Variants in PPP2R3C observed in about 807,000 individuals in gnomAD.
PPP2R3C encodes serine/threonine-protein phosphatase 2A regulatory subunit B'' subunit gamma.
PPP2R3C carries 47 observed loss-of-function variants against 63.7 expected under a neutral mutation model. The ratio of observed to expected loss-of-function variants is 0.74; its 90% CI spans 0.58 to 0.94. The LOEUF is 0.94. PPP2R3C is among the 40% of genes least tolerant of loss of function. PPP2R3C has a pLI of 0.00. For synonymous variants in PPP2R3C, 180 were observed against 177.4 expected (o/e 1.01, Z -0.12); for missense variants, 421 against 518.4 (o/e 0.81, Z 1.82).
At chr14:35,095,799 C>T (rs140692587) in intron 9 of PPP2R3C, among the ~76,000 whole-genome samples, 23 of 137,528 alleles carry the variant, frequency 1.7e-4, no homozygotes, top group South Asian at 9.1e-4. Context: ...TGCAGTGAGC[C>T]GAGATCATGC....
In PPP2R3C at chr14:35,116,690, T is replaced by A; in HGVS notation, c.106A>T (p.Thr36Ser). The A allele has an allele frequency of 6.3e-7, 1 of 1,596,982 alleles. No individual in the cohort carries two copies. The highest frequency in any genetic ancestry group is 8.6e-7 in the Non-Finnish European group (1 of 1,168,698). The change falls in exon 2 of 13, where the codon ACA becomes TCA. Residue 36 changes from threonine (T) to serine (S), a missense_variant. Physicochemically the swap from Thr to Ser is moderately conservative, Grantham distance 58. Around this residue, in one of 3 missense-constraint regions of PPP2R3C, gnomAD observed 143 missense variants for 151.2 expected, o/e 0.95. Transcript: ENST00000261475. ...ELKDEEMDLF[T>S]KYYSEWKGGR... ...CCTTTCCATTCGGAGTAATATTTTG[T>A]AAATAAATCCATTTCTTCATCTTTT...
chr14:35,119,246 C>A (rs1156997833), intron 1 of PPP2R3C, among the ~76,000 whole-genome samples: 2 of 152,128 alleles, frequency 1.3e-5, no homozygotes, highest in Non-Finnish European at 2.9e-5. Flanking sequence ...CCATGTTGGC[C>A]AGGCTGGTCT....
intron 2 of PPP2R3C, among the ~76,000 whole-genome samples, chr14:35,115,175 T>G (rs902935067): frequency 1.3e-5 from 2 of 151,070 alleles, no homozygotes; most frequent in South Asian, 2.1e-4. Flanking sequence ...TTCTTTTTTT[T>G]TTTTTGAGAT....
intron 2 of PPP2R3C, 182 bp from the exon 3 acceptor site, chr14:35,110,811 TG>T: frequency 1.8e-6 from 1 of 544,306 alleles, no homozygotes; most frequent in Non-Finnish European, 3.2e-6. Flanking sequence ...TCAGAAAGGC[TG>T]GATCTCTGCC....
At chr14:35,092,090 A>C (rs530023045) in intron 10 of PPP2R3C, among the ~76,000 whole-genome samples, 1 of 152,064 alleles carries the variant, frequency 6.6e-6, no homozygotes, top group South Asian at 2.1e-4. Flanking sequence ...TGTTTTTGAG[A>C]CAGGGTCTCA....
rs948163285 is a variant in PPP2R3C, at chr14:35,096,434, AAAGCTT to A, written c.838+118_838+123del. On this transcript the variant is annotated intron_variant, in intron 9 of 12. Transcript: ENST00000261475. ...GTAAATTTTGGTAATGTAGAATACT[AAAGCTT>A]AAGGTAATTAAATATTTTGATCTTA... The A allele has an allele frequency of 5.4e-6, 5 of 930,670 alleles. No homozygotes were observed. In the African/African-American group the frequency reaches 6.7e-5, roughly 12 times the overall value. 57.7% of individuals were successfully genotyped at this position (930,670 alleles called of 1,614,324 possible). A position where few individuals can be genotyped will look rare whatever the true frequency, so the allele number is the denominator to read the frequency against.
chr14:35,097,482 CT>C (rs988302767), intron 7 of PPP2R3C, among the ~76,000 whole-genome samples: 416 of 133,718 alleles, frequency 3.1e-3, no homozygotes, highest in African/African-American at 5.7e-3. Flanking sequence ...TGTTCTTGTT[CT>C]TTTTTTTTTT....
At chr14:35,104,745 TTTTTC>T (rs1566416553) in intron 6 of PPP2R3C, among the ~76,000 whole-genome samples, 1 of 152,178 alleles carries the variant, frequency 6.6e-6, no homozygotes, top group African/African-American at 2.4e-5. Context: ...CATATTTTCT[TTTTTC>T]TTTTGAGACA....
chr14:35,113,565 A>C (rs1370708432), intron 2 of PPP2R3C, among the ~76,000 whole-genome samples: 2 of 152,164 alleles, frequency 1.3e-5, no homozygotes, highest in Non-Finnish European at 2.9e-5. Flanking sequence ...GGCTTGGGTC[A>C]GCTCACTCCC....
chr14:35,092,745 G>A (rs1461404062), intron 10 of PPP2R3C, among the ~76,000 whole-genome samples: 1 of 152,112 alleles, frequency 6.6e-6, no homozygotes, highest in Non-Finnish European at 1.5e-5. Context: ...AGGATTACAG[G>A]TGTGAGCCAC....
chr14:35,103,384 G>A (rs1206388796), intron 6 of PPP2R3C, among the ~76,000 whole-genome samples: 2 of 151,994 alleles, frequency 1.3e-5, no homozygotes, highest in Non-Finnish European at 2.9e-5. Flanking sequence ...CTTCTTTCTC[G>A]TACTTCATGG....
At chr14:35,110,172 C>T in intron 3 of PPP2R3C, 4 of 458,980 alleles carry the variant, frequency 8.7e-6, no homozygotes, top group Non-Finnish European at 1.5e-5. Flanking sequence ...GTTAGCTATC[C>T]CTACTTTAGA....
At position 35,091,960 on chromosome 14, in the gene PPP2R3C, C is replaced by T. The variant is rs184670804; in HGVS notation, c.976-753G>A. Among the ~76,000 whole-genome samples the T allele has an allele frequency of 3.3e-3, 498 of 151,544 alleles. 2 individuals carry two copies. The highest frequency in any genetic ancestry group is 4.7e-3 in the Non-Finnish European group (318 of 67,822). On this transcript the variant is annotated intron_variant, in intron 10 of 12. Coordinates refer to ENST00000261475, the MANE Select transcript of PPP2R3C (RefSeq NM_017917.4). ...GTCTCAAACTCCTGACCTCAAGTGA[C>T]CCGCCTGCCCCGGCCTCCCAAAGTG...
At chr14:35,111,215 C>T (rs2138698274) in intron 2 of PPP2R3C, among the ~76,000 whole-genome samples, 1 of 115,452 alleles carries the variant, frequency 8.7e-6, no homozygotes, top group South Asian at 2.8e-4. Context: ...AGCCTGGCAA[C>T]AGAGCGAGAC....
At chr14:35,094,685 G>A (rs572806090) in intron 10 of PPP2R3C, among the ~76,000 whole-genome samples, 8 of 151,976 alleles carry the variant, frequency 5.3e-5, no homozygotes, top group East Asian at 1.9e-4. Flanking sequence ...ATGCTGGGCC[G>A]AGTGTGGTGG....
chr14:35,120,697 A>G (rs2138734305), intron 1 of PPP2R3C, among the ~76,000 whole-genome samples: 1 of 152,278 alleles, frequency 6.6e-6, no homozygotes, highest in Non-Finnish European at 1.5e-5. Flanking sequence ...CTGTAATAGC[A>G]ACACTTTGGG....
At chr14:35,121,323 G>C (rs201816492) in intron 1 of PPP2R3C, among the ~76,000 whole-genome samples, 1 of 152,030 alleles carries the variant, frequency 6.6e-6, no homozygotes, top group Non-Finnish European at 1.5e-5. Context: ...GTTGCAGTGA[G>C]CGGAGATGCT....
chr14:35,091,041 A>G (rs766391872), intron 11 of PPP2R3C, 29 bp downstream of exon 11: 1 of 1,578,148 alleles, frequency 6.3e-7, no homozygotes, highest in African/African-American at 1.4e-5. Context: ...CTTAAGGAAC[A>G]ATGACTCACT....
chr14:35,108,039 C>G (rs1283539158), intron 5 of PPP2R3C, 100 bp downstream of exon 5: 4 of 1,453,204 alleles, frequency 2.8e-6, no homozygotes, highest in Non-Finnish European at 2.7e-6. Context: ...ACTATTCAAA[C>G]TTAGAGTGAT....
Sources: allele counts gnomAD v4.1 joint callset (sites outside exome capture counted in the v4.1 genomes callset), GRCh38; gene constraint gnomAD v4.1.1; regional missense constraint gnomAD v4.1.1; transcripts MANE v1.5; gene names NCBI Gene and HGNC (gene_info 2026-07-23, HGNC 2026-07-21).